TRPM3: variants seen among roughly 807,000 people sequenced by gnomAD.
TRPM3 encodes the protein transient receptor potential cation channel subfamily M member 3, also known as long transient receptor potential channel 3.
TRPM3 carries 77 observed loss-of-function variants against 181.2 expected under a neutral mutation model. That is an observed-to-expected ratio of 0.42 (90% CI 0.35 to 0.51). The LOEUF is 0.51. Among genes scored for constraint, TRPM3 ranks in the 20% least tolerant of loss-of-function variants. The pLI, the probability that TRPM3 is intolerant of heterozygous loss-of-function variation, is 0.01. For missense variants in TRPM3, 1,759 were observed against 2,196.7 expected (o/e 0.80, Z 3.98); for synonymous variants, 745 against 796.4 (o/e 0.94, Z 1.09).
At chr9:71,344,395 G>A (rs867609716) in intron 1 of TRPM3, among the ~76,000 whole-genome samples, 3 of 151,854 alleles carry the variant, frequency 2.0e-5, no homozygotes, top group Non-Finnish European at 2.9e-5. Flanking sequence ...AGGTTGCAGT[G>A]AGCCAAGATC....
intron 1 of TRPM3, among the ~76,000 whole-genome samples, chr9:71,356,287 T>C (rs2091893820): frequency 6.6e-6 from 1 of 152,174 alleles, no homozygotes; most frequent in Admixed American, 6.6e-5. Flanking sequence ...GATTATTTCA[T>C]CATCCTGGTG....
intron 1 of TRPM3, among the ~76,000 whole-genome samples, chr9:71,272,197 T>C (rs1253023931): frequency 3.3e-5 from 5 of 152,190 alleles, no homozygotes; most frequent in Non-Finnish European, 7.3e-5. Context: ...TTCTTATCTT[T>C]TTAAAAATTT....
chr9:71,204,312 A>G (rs968303770), intron 1 of TRPM3, among the ~76,000 whole-genome samples: 1 of 151,442 alleles, frequency 6.6e-6, no homozygotes, highest in African/African-American at 2.4e-5. Flanking sequence ...CAACCTACTC[A>G]TCTGACATAG....
intron 21 of TRPM3, among the ~76,000 whole-genome samples, chr9:70,594,815 T>G (rs1432156637): frequency 6.6e-6 from 1 of 152,186 alleles, no homozygotes; most frequent in East Asian, 1.9e-4. Flanking sequence ...GGGAACTCCC[T>G]AATGTTGAGA....
intron 3 of TRPM3, among the ~76,000 whole-genome samples, chr9:70,850,572 G>A (rs574989015): frequency 6.6e-6 from 1 of 152,242 alleles, no homozygotes; most frequent in Non-Finnish European, 1.5e-5. Flanking sequence ...TGTTCAGCTT[G>A]TTGCATGCCA....
rs1282844676 is a variant in TRPM3, at chr9:71,195,696, T to C, written c.183+250957A>G. Among the ~76,000 whole-genome samples, 4 of 152,074 alleles carry C rather than the reference T, an allele frequency of 2.6e-5. 1 individual carries two copies. The highest frequency in any genetic ancestry group is 4.1e-4 in the South Asian group (2 of 4,830). The stretch of plus-strand genomic sequence containing the variant: ...AGCACTATTCACAATAGCAAAGATA[T>C]AGTATCAACCTAAACGCCCATCAGT... On this transcript the variant is annotated intron_variant, in intron 1 of 24. Coordinates refer to the TRPM3 transcript ENST00000357533.
intron 6 of TRPM3, among the ~76,000 whole-genome samples, chr9:70,814,913 T>G (rs1157066539): frequency 6.6e-6 from 1 of 150,534 alleles, no homozygotes; most frequent in Non-Finnish European, 1.5e-5. Context: ...CTCCCTTCCT[T>G]TCCTTTTCTT....
chr9:71,158,643 T>C (rs1376644673), intron 1 of TRPM3, among the ~76,000 whole-genome samples: 5 of 152,134 alleles, frequency 3.3e-5, no homozygotes, highest in Non-Finnish European at 7.4e-5. Flanking sequence ...AATAATAATG[T>C]CTCTCTTATA....
intron 1 of TRPM3, among the ~76,000 whole-genome samples, chr9:70,933,348 A>T (rs1397741862): frequency 6.6e-6 from 1 of 152,240 alleles, no homozygotes; most frequent in African/African-American, 2.4e-5. Context: ...TAAGAGGAGA[A>T]TAGGATCTTG....
At chr9:70,916,473 C>T (rs1318094236) in intron 1 of TRPM3, among the ~76,000 whole-genome samples, 1 of 151,974 alleles carries the variant, frequency 6.6e-6, no homozygotes, top group East Asian at 1.9e-4. Flanking sequence ...TAAATAGAAA[C>T]AACAAAAAGT....
intron 1 of TRPM3, among the ~76,000 whole-genome samples, chr9:70,937,951 G>T (rs956537629): frequency 2.0e-5 from 3 of 152,174 alleles, no homozygotes; most frequent in Non-Finnish European, 4.4e-5. Context: ...CTGAGGATTT[G>T]TTCTCTCTTT....
chr9:71,407,083 C>T (rs143353719), intron 1 of TRPM3, among the ~76,000 whole-genome samples: 3 of 152,246 alleles, frequency 2.0e-5, no homozygotes, highest in East Asian at 1.9e-4. Flanking sequence ...AGCTCAGAAT[C>T]GGAAAAATCA....
intron 1 of TRPM3, among the ~76,000 whole-genome samples, chr9:71,133,564 C>T (rs886156100): frequency 3.3e-5 from 5 of 152,092 alleles, no homozygotes; most frequent in African/African-American, 1.2e-4. Flanking sequence ...TCCCAAGGTG[C>T]TGGGTTTACA....
chr9:70,643,354 T>G (rs1403826781), intron 9 of TRPM3, among the ~76,000 whole-genome samples: 1 of 152,162 alleles, frequency 6.6e-6, no homozygotes, highest in Non-Finnish European at 1.5e-5. Context: ...TTGCCATTTG[T>G]ATGTTGCAAA....
chr9:71,037,227 G>A lies in TRPM3; in HGVS notation c.177+83951C>T, dbSNP rs368218722. 2.1e-4 allele frequency among the ~76,000 whole-genome samples: 32 copies of A among 152,244 alleles called. 1 individual carries two copies. The East Asian group carries it at 3.1e-3, about 15-fold the overall frequency. On this transcript the variant is annotated intron_variant, in intron 1 of 25. Coordinates refer to ENST00000677713, the MANE Select transcript of TRPM3 (RefSeq NM_001366145.2). Reference sequence around the variant, plus strand: ...ATGATTATTTTCAACTTATAGCAGCGAGGAAAGTTTCAACATATGGGTGCT... The same window carrying A: ...ATGATTATTTTCAACTTATAGCAGCAAGGAAAGTTTCAACATATGGGTGCT...
Position 71,100,497 on chromosome 9 carries a change from C to T in TRPM3, c.177+20681G>A, listed in dbSNP as rs185957707. Among the ~76,000 whole-genome samples the T allele has an allele frequency of 1.7e-4, 26 of 152,204 alleles. No individual in the cohort carries two copies. In the East Asian group the frequency reaches 4.2e-3, roughly 25 times the overall value. On this transcript the variant is annotated intron_variant, in intron 1 of 25. Coordinates refer to ENST00000677713, the MANE Select transcript of TRPM3 (RefSeq NM_001366145.2). ...TTAACCCTAGGAATAATTCTAGTTC[C>T]CTTAACTATGAATTATGAGGATACT...
rs551750867 is a variant in TRPM3, at chr9:71,162,380, G to A, written c.183+284273C>T. On this transcript the variant is annotated intron_variant, in intron 1 of 24. Transcript: ENST00000357533. ...AATTAACAGTCATCATGACAGACAG[G>A]ATATGACAACAGACAAAGATAAGAA... Among the ~76,000 whole-genome samples the A allele has an allele frequency of 5.3e-5, 8 of 152,010 alleles. No individual in the cohort carries two copies. In the South Asian group the frequency reaches 1.5e-3, roughly 28 times the overall value.
intron 1 of TRPM3, among the ~76,000 whole-genome samples, chr9:71,224,859 G>C (rs1400355680): frequency 1.3e-5 from 2 of 152,024 alleles, no homozygotes; most frequent in African/African-American, 2.4e-5. Context: ...CAGCAAAATT[G>C]ATTCAGCAGA....
intron 1 of TRPM3, among the ~76,000 whole-genome samples, chr9:71,149,695 T>G (rs1014416199): frequency 8.5e-5 from 13 of 152,134 alleles, no homozygotes; most frequent in African/African-American, 3.1e-4. Context: ...CAAAAAAGCC[T>G]GGGCATAATG....
Sources: gnomAD v4.1 joint callset for allele counts (sites outside exome capture counted in the v4.1 genomes callset) on GRCh38, gnomAD v4.1.1 for gene constraint, MANE v1.5 for transcripts, NCBI Gene and HGNC (gene_info 2026-07-23, HGNC 2026-07-21) for gene names.